Variants in GATAD2A observed in about 807,000 individuals in gnomAD.
The protein encoded by GATAD2A is GATA zinc finger domain containing 2A.
Under a neutral mutation model 68.5 loss-of-function variants are expected in GATAD2A, and 12 were observed. The ratio of observed to expected loss-of-function variants is 0.18; its 90% CI spans 0.11 to 0.28. The LOEUF (loss-of-function observed/expected upper bound fraction) is 0.28, where lower values mean the gene tolerates loss of function less well. Ranked by LOEUF, GATAD2A falls within the 10% of genes least tolerant of loss-of-function variation. The probability of loss-of-function intolerance (pLI) is 1.00; values close to 1 mark genes in which losing one functional copy is unlikely to be tolerated. For missense variants in GATAD2A, 755 were observed against 868.5 expected (o/e 0.87, Z 1.64); for synonymous variants, 410 against 375.3 (o/e 1.09, Z -1.07).
intron 2 of GATAD2A, among the ~76,000 whole-genome samples, chr19:19,479,655 G>T (rs1387530900): frequency 6.6e-6 from 1 of 152,180 alleles, no homozygotes; most frequent in Non-Finnish European, 1.5e-5. Flanking sequence ...CACAGAGGGT[G>T]AAGTGCTCTT....
intron 1 of GATAD2A, among the ~76,000 whole-genome samples, chr19:19,387,432 GC>G: frequency 6.6e-6 from 1 of 152,010 alleles, no homozygotes; most frequent in Non-Finnish European, 1.5e-5. Context: ...CGACTCTTCT[GC>G]CTCAGCTTCC....
intron 1 of GATAD2A, chr19:19,436,336 GGA>G (rs2054338944): frequency 2.0e-6 from 1 of 506,104 alleles, no homozygotes; most frequent in Non-Finnish European, 3.8e-6. Flanking sequence ...TAGAGAAGAT[GGA>G]GGGAGGCAGG....
At chr19:19,415,076 A>G (rs1287974330) in intron 1 of GATAD2A, among the ~76,000 whole-genome samples, 1 of 133,040 alleles carries the variant, frequency 7.5e-6, no homozygotes, top group Non-Finnish European at 1.6e-5. Context: ...ACATAGTGAG[A>G]CCTGCCCCCG....
In GATAD2A at chr19:19,505,861, A is replaced by AG; in HGVS notation, c.*389dup. ...CTGGACACTGTGATGCGCATGGGCA[A>AG]GGCCAGCGCCCGGGGCTTCTGAACC... On this transcript the variant is annotated 3_prime_UTR_variant, in exon 12 of 12. Coordinates refer to ENST00000683918, the MANE Select transcript of GATAD2A (RefSeq NM_001384528.1). The AG allele has an allele frequency of 2.5e-6, 1 of 402,144 alleles. No individual in the cohort carries two copies. The highest frequency in any genetic ancestry group is 2.1e-5 in the African/African-American group (1 of 48,768). 24.9% of individuals were successfully genotyped at this position (402,144 alleles called of 1,614,324 possible).
chr19:19,402,069 G>A (rs2049801900), upstream of GATAD2A: 2 of 152,070 alleles, frequency 1.3e-5, no homozygotes, highest in African/African-American at 4.8e-5. Flanking sequence ...TGTTATTGTT[G>A]TTGTTTTGAG....
At chr19:19,428,923 G>A (rs186991182) in intron 1 of GATAD2A, among the ~76,000 whole-genome samples, 31 of 152,304 alleles carry the variant, frequency 2.0e-4, no homozygotes, top group African/African-American at 6.3e-4. Context: ...TCACCCCAGG[G>A]GCTGTGCCGT....
At chr19:19,397,446 A>G (rs2049346156) in intron 1 of GATAD2A, among the ~76,000 whole-genome samples, 1 of 152,016 alleles carries the variant, frequency 6.6e-6, no homozygotes, top group African/African-American at 2.4e-5. Context: ...GCTGGTCTCG[A>G]ACTCCCGACC....
intron 2 of GATAD2A, among the ~76,000 whole-genome samples, chr19:19,481,648 CT>C (rs2059071594): frequency 6.6e-6 from 1 of 152,194 alleles, no homozygotes. Flanking sequence ...TGACCATCCC[CT>C]GACTTGTCTT....
At position 19,453,682 on chromosome 19, in the gene GATAD2A, T is replaced by A. The variant is rs534869774; in HGVS notation, c.-6-11658T>A. Among the ~76,000 whole-genome samples the A allele has an allele frequency of 5.3e-3, 791 of 148,462 alleles. 8 individuals carry two copies. Among genetic ancestry groups the A allele is most frequent in the South Asian group, 0.042 (198 of 4,690 alleles). ...GGCTATTTTTTAATTTTTTTAAAATTTTTTTTTTTTTTGAGACGGAGTCTT... is the reference window on the plus strand; with the variant it reads ...GGCTATTTTTTAATTTTTTTAAAATATTTTTTTTTTTTGAGACGGAGTCTT... On this transcript the variant is annotated intron_variant, in intron 1 of 11. Transcript: ENST00000683918.
At chr19:19,493,533 A>G (rs891397981) in intron 4 of GATAD2A, among the ~76,000 whole-genome samples, 4 of 152,192 alleles carry the variant, frequency 2.6e-5, no homozygotes, top group Non-Finnish European at 4.4e-5. Context: ...ATGCAGCTTA[A>G]TGGGCAGCGA....
At chr19:19,453,548 T>A (rs1228838075) in intron 1 of GATAD2A, among the ~76,000 whole-genome samples, 2 of 151,462 alleles carry the variant, frequency 1.3e-5, no homozygotes, top group Admixed American at 6.6e-5. Context: ...CAGGCTGGAG[T>A]GTAGTGGCAC....
chr19:19,469,232 C>G (rs935995143), intron 2 of GATAD2A, among the ~76,000 whole-genome samples: 1 of 151,464 alleles, frequency 6.6e-6, no homozygotes, highest in South Asian at 2.1e-4. Context: ...GAGACCAAGA[C>G]CATCCTGGCT....
chr19:19,447,754 C>T (rs1412489624), intron 1 of GATAD2A, among the ~76,000 whole-genome samples: 2 of 152,204 alleles, frequency 1.3e-5, no homozygotes, highest in Non-Finnish European at 2.9e-5. Context: ...TGAGGAAGGG[C>T]GCCTGGGCAG....
At chr19:19,406,886 C>G (rs1305527658) in intron 1 of GATAD2A, among the ~76,000 whole-genome samples, 1 of 152,160 alleles carries the variant, frequency 6.6e-6, no homozygotes, top group Non-Finnish European at 1.5e-5. Context: ...CCCTTAGGTG[C>G]GTGTTTCTGC....
At chr19:19,424,564 G>A (rs1394070124) in intron 1 of GATAD2A, among the ~76,000 whole-genome samples, 1 of 151,628 alleles carries the variant, frequency 6.6e-6, no homozygotes, top group Non-Finnish European at 1.5e-5. Context: ...TAGAGATGGG[G>A]GTCTCTCTCT....
rs2060864798 is a variant in GATAD2A, at chr19:19,506,317, G to C, written c.*843G>C. The C allele has an allele frequency of 2.5e-6, 1 of 397,952 alleles. No homozygotes were observed. Among genetic ancestry groups the C allele is most frequent in the Non-Finnish European group, 4.4e-6 (1 of 225,854 alleles). The allele number at this position is 397,952 out of a possible 1,614,324, so 24.7% of individuals were successfully genotyped here. On this transcript the variant is annotated 3_prime_UTR_variant, in exon 12 of 12. Transcript: ENST00000683918. ...GAAGCTGCCCATTAAGGGAGAAGGA[G>C]AGGATCCGGTCGGCAGCAGCCCTGA... is the stretch of plus-strand genomic sequence containing the variant.
rs1231680981 is a variant in GATAD2A at position 19,507,000 on chromosome 19, C to T, written c.*1526C>T. On this transcript the variant is annotated 3_prime_UTR_variant, in exon 12 of 12. Coordinates refer to ENST00000683918, the MANE Select transcript of GATAD2A (RefSeq NM_001384528.1). ...CCCCAGGCTCCTGTCGTGTGAATAT[C>T]CTCAGTCTGTAGGAAACTTTTTTTG... The T allele has an allele frequency of 2.6e-5, 4 of 152,120 alleles. No individual in the cohort carries two copies. Among genetic ancestry groups the T allele is most frequent in the African/African-American group, 9.7e-5 (4 of 41,416 alleles). The allele number at this position is 152,120 out of a possible 1,614,324, so 9.4% of individuals were successfully genotyped here.
intron 2 of GATAD2A, among the ~76,000 whole-genome samples, chr19:19,487,061 G>T (rs1044220774): frequency 6.6e-6 from 1 of 152,210 alleles, no homozygotes; most frequent in African/African-American, 2.4e-5. Context: ...GAGCATGCGG[G>T]CTCAGGGCTC....
intron 1 of GATAD2A, among the ~76,000 whole-genome samples, chr19:19,431,808 T>C (rs904814944): frequency 1.3e-5 from 2 of 151,938 alleles, no homozygotes; most frequent in African/African-American, 4.8e-5. Flanking sequence ...GTGTGTACGT[T>C]ATTGCTGGGT....
Sources: gnomAD v4.1 joint callset for allele counts (sites outside exome capture counted in the v4.1 genomes callset) on GRCh38, gnomAD v4.1.1 for gene constraint, MANE v1.5 for transcripts, NCBI Gene and HGNC (gene_info 2026-07-23, HGNC 2026-07-21) for gene names.